The following ZFHX3 variants were observed in gnomAD, a reference collection of about 807,000 sequenced individuals.
The protein encoded by ZFHX3 is zinc finger homeobox 3, also known as zinc finger homeobox protein 3.
Under a neutral mutation model 279.1 loss-of-function variants are expected in ZFHX3, and 42 were observed. The observed-to-expected ratio is 0.15, with a 90% CI of 0.12 to 0.19. The LOEUF is 0.19. ZFHX3 is among the 10% of genes least tolerant of loss of function. The probability of loss-of-function intolerance (pLI) is 1.00; values close to 1 mark genes in which losing one functional copy is unlikely to be tolerated. For missense variants in ZFHX3, 4,981 were observed against 4,754.0 expected, an observed-to-expected ratio of 1.05 and a Z score of -1.40; for synonymous variants, 2,293 against 1,957.8, an observed-to-expected ratio of 1.17 and a Z score of -4.52.
At chr16:73,065,410 A>G (rs1045004168) in intron 8 of ZFHX3, among the ~76,000 whole-genome samples, 8 of 152,132 alleles carry the variant, frequency 5.3e-5, no homozygotes, top group African/African-American at 1.2e-4. Flanking sequence ...TTGCTGAGAA[A>G]TGTAAAAAGG....
At chr16:73,831,544 C>G (rs763014710) in intron 1 of ZFHX3, among the ~76,000 whole-genome samples, 12 of 152,228 alleles carry the variant, frequency 7.9e-5, no homozygotes, top group Non-Finnish European at 1.3e-4. Context: ...ACGGGAATGG[C>G]TTTCTTAGCA....
At chr16:73,286,164 G>GTC (rs753025903) in intron 4 of ZFHX3, among the ~76,000 whole-genome samples, 72 of 151,418 alleles carry the variant, frequency 4.8e-4, no homozygotes, top group Admixed American at 1.4e-3. Flanking sequence ...CTCTCTCTCT[G>GTC]TCTCTCTCTC....
chr16:73,203,926 A>AG lies in ZFHX3; in HGVS notation c.-1104+53120dup, dbSNP rs1159132172. On this transcript the variant is annotated intron_variant, in intron 5 of 17. Transcript: ENST00000641206. ...GAAAGCTGGAATTGTTCTAAGAATT[A>AG]GCAGAGAGCTTCATCAATTGCTGTC... 6.6e-5 allele frequency among the ~76,000 whole-genome samples: 10 copies of AG among 152,338 alleles called. No individual in the cohort carries two copies. The East Asian group carries it at 1.9e-3, about 29-fold the overall frequency.
intron 1 of ZFHX3, among the ~76,000 whole-genome samples, chr16:73,802,799 T>C (rs1318354790): frequency 6.6e-6 from 1 of 152,204 alleles, no homozygotes; most frequent in African/African-American, 2.4e-5. Context: ...GAGTAAATTA[T>C]CAACAAAGCA....
chr16:73,298,921 A>C (rs552774063), intron 4 of ZFHX3, among the ~76,000 whole-genome samples: 1 of 152,236 alleles, frequency 6.6e-6, no homozygotes, highest in Non-Finnish European at 1.5e-5. Flanking sequence ...TAAATGTATG[A>C]AAACAAAAGC....
At position 72,788,134 on chromosome 16, in the gene ZFHX3, C is replaced by T. The variant is rs200959815; in HGVS notation, c.10142G>A (p.Arg3381Gln). The change falls in exon 10 of 10, where the codon CGG (arginine) becomes CAG (glutamine). Residue 3381 changes from arginine to glutamine, a missense_variant. Physicochemically the swap from Arg to Gln is conservative, Grantham distance 43. Transcript: ENST00000268489. ...TTGCTGCTGCTGCTGCTGTAGTTGC[C>T]GCTGCTGCTGCTGCTGAATTGCCTC... Reference protein sequence around the residue: ...LQEAIQQQQQRQLQQQQQQKV... With the variant: ...LQEAIQQQQQQQLQQQQQQKV... 431 of 1,596,492 alleles carry T rather than the reference C, an allele frequency of 2.7e-4. No individual in the cohort carries two copies. Among genetic ancestry groups the T allele is most frequent in the Non-Finnish European group, 3.4e-4 (398 of 1,167,938 alleles).
intron 3 of ZFHX3, among the ~76,000 whole-genome samples, chr16:73,429,679 C>G (rs1014054676): frequency 2.0e-5 from 3 of 152,038 alleles, no homozygotes; most frequent in African/African-American, 4.8e-5. Flanking sequence ...TGTAAAATTG[C>G]CAGATTTTAA....
At chr16:73,154,361 G>A (rs1280843522) in intron 5 of ZFHX3, among the ~76,000 whole-genome samples, 14 of 152,236 alleles carry the variant, frequency 9.2e-5, no homozygotes, top group East Asian at 3.9e-4. Flanking sequence ...TTCCTGTTCC[G>A]TTTTTCTGTA....
chr16:73,521,009 C>T (rs2019599828), intron 2 of ZFHX3, among the ~76,000 whole-genome samples: 2 of 152,180 alleles, frequency 1.3e-5, no homozygotes, highest in Non-Finnish European at 2.9e-5. Context: ...TTGGACCCTT[C>T]AGAATTCCAG....
At chr16:73,315,522 G>T (rs1350320339) in intron 4 of ZFHX3, among the ~76,000 whole-genome samples, 1 of 151,936 alleles carries the variant, frequency 6.6e-6, no homozygotes, top group Non-Finnish European at 1.5e-5. Context: ...TCCTCTGGAG[G>T]CTTATCTTTC....
At chr16:73,598,422 T>C (rs1285092100) in intron 2 of ZFHX3, among the ~76,000 whole-genome samples, 1 of 150,276 alleles carries the variant, frequency 6.7e-6, no homozygotes, top group African/African-American at 2.5e-5. Context: ...ATTCTTTTTA[T>C]CTTTTTTTTT....
intron 3 of ZFHX3, among the ~76,000 whole-genome samples, chr16:73,326,394 A>G (rs1355317681): frequency 6.6e-6 from 1 of 152,178 alleles, no homozygotes; most frequent in Non-Finnish European, 1.5e-5. Flanking sequence ...TCTCAGTGCA[A>G]TGCAGTGGGT....
chr16:73,355,075 G>T (rs973936932), intron 3 of ZFHX3, among the ~76,000 whole-genome samples: 1 of 152,014 alleles, frequency 6.6e-6, no homozygotes, highest in Admixed American at 6.6e-5. Context: ...ATTTAATGAC[G>T]GGCTAATCTC....
chr16:73,552,412 C>T (rs539975419), intron 2 of ZFHX3, among the ~76,000 whole-genome samples: 4 of 152,292 alleles, frequency 2.6e-5, no homozygotes, highest in South Asian at 2.1e-4. Context: ...TGACTAACAT[C>T]GTGCCATTTC....
chr16:73,779,667 G>A (rs1408254369), intron 1 of ZFHX3, among the ~76,000 whole-genome samples: 1 of 152,196 alleles, frequency 6.6e-6, no homozygotes, highest in East Asian at 1.9e-4. Context: ...GCAGAAATGC[G>A]TTATGCTCCC....
intron 1 of ZFHX3, among the ~76,000 whole-genome samples, chr16:73,723,869 G>T (rs2053496562): frequency 6.6e-6 from 1 of 152,096 alleles, no homozygotes; most frequent in African/African-American, 2.4e-5. Context: ...TGAGGAAGAG[G>T]ATGAAACCCA....
chr16:73,431,349 G>A (rs1417881048), intron 3 of ZFHX3, among the ~76,000 whole-genome samples: 2 of 151,990 alleles, frequency 1.3e-5, no homozygotes, highest in Admixed American at 6.5e-5. Flanking sequence ...AGACCAGCAC[G>A]ATCAATATGG....
intron 1 of ZFHX3, among the ~76,000 whole-genome samples, chr16:72,984,889 T>C (rs1962781264): frequency 1.3e-5 from 2 of 152,194 alleles, no homozygotes; most frequent in South Asian, 2.1e-4. Context: ...TGTACATGTA[T>C]ATAGTATACA....
chr16:73,146,489 A>C (rs1597182094), intron 5 of ZFHX3, among the ~76,000 whole-genome samples: 1 of 151,900 alleles, frequency 6.6e-6, no homozygotes, highest in Non-Finnish European at 1.5e-5. Context: ...GCTAATACAA[A>C]CCCCCAATGC....
Sources: allele counts gnomAD v4.1 joint callset (sites outside exome capture counted in the v4.1 genomes callset), GRCh38; gene constraint gnomAD v4.1.1; transcripts MANE v1.5; gene names NCBI Gene and HGNC (gene_info 2026-07-23, HGNC 2026-07-21).